CADM2: variants seen among roughly 807,000 people sequenced by gnomAD.
CADM2 encodes immunoglobulin superfamily member 4D.
Under a neutral mutation model 49.8 loss-of-function variants are expected in CADM2, and 12 were observed. The observed-to-expected ratio is 0.24, with a 90% CI of 0.15 to 0.39. The LOEUF (loss-of-function observed/expected upper bound fraction) is 0.39. Among genes scored for constraint, CADM2 ranks in the 10% least tolerant of loss-of-function variants. The pLI is 1.00. For missense variants in CADM2, 378 were observed against 492.3 expected (o/e 0.77, Z 2.20); for synonymous variants, 214 against 175.4 (o/e 1.22, Z -1.74).
chr3:85,889,388 T>G (rs1714112580), intron 5 of CADM2, among the ~76,000 whole-genome samples: 2 of 152,132 alleles, frequency 1.3e-5, no homozygotes, highest in Admixed American at 6.5e-5. Context: ...AATCTCAGAT[T>G]ATCAGGCCTT....
chr3:85,048,839 A>C (rs1453382232), intron 1 of CADM2, among the ~76,000 whole-genome samples: 1 of 152,180 alleles, frequency 6.6e-6, no homozygotes, highest in African/African-American at 2.4e-5. Flanking sequence ...AGTTTGGTAT[A>C]GACTGGAAAC....
intron 1 of CADM2, among the ~76,000 whole-genome samples, chr3:85,173,702 C>T (rs1037542557): frequency 5.9e-5 from 9 of 152,090 alleles, no homozygotes; most frequent in African/African-American, 2.2e-4. Flanking sequence ...ATGATGCAAT[C>T]GAACCCTGCA....
At chr3:85,755,463 C>A (rs1366765474) in intron 2 of CADM2, among the ~76,000 whole-genome samples, 1 of 152,128 alleles carries the variant, frequency 6.6e-6, no homozygotes, top group Non-Finnish European at 1.5e-5. Flanking sequence ...GAAACCTCCC[C>A]AACCTCATTG....
In CADM2 at chr3:85,474,923, C is replaced by T. The variant is rs188591616; in HGVS notation, c.62-251599C>T. Among the ~76,000 whole-genome samples the T allele has an allele frequency of 4.7e-4, 71 of 152,018 alleles. 1 individual carries two copies. Among genetic ancestry groups the T allele is most frequent in the African/African-American group, 1.5e-3 (64 of 41,496 alleles). ...GTTGATAGTCTTCATAAACTACAGA[C>T]TCAGCATCCTCGAATCTCAAGGAAA... On this transcript the variant is annotated intron_variant, in intron 1 of 9. Transcript: ENST00000383699.
At chr3:85,809,660 CT>C in intron 3 of CADM2, among the ~76,000 whole-genome samples, 1 of 19,600 alleles carries the variant, frequency 5.1e-5, no homozygotes, top group African/African-American at 3.0e-4. Flanking sequence ...CATTTTCTCC[CT>C]TCCTTCCTTC....
At chr3:85,635,555 C>G (rs1450059884) in intron 1 of CADM2, among the ~76,000 whole-genome samples, 1 of 152,038 alleles carries the variant, frequency 6.6e-6, no homozygotes, top group African/African-American at 2.4e-5. Context: ...AATATTACAA[C>G]TAAAAGAAAA....
In CADM2 at chr3:84,959,416, T is replaced by C. The variant is rs1444729609; in HGVS notation, c.-192T>C. 1.7e-6 allele frequency: 1 copy of C among 590,294 alleles called. No homozygotes were observed. Among genetic ancestry groups the C allele is most frequent in the African/African-American group, 1.9e-5 (1 of 52,826 alleles). 36.6% of individuals were successfully genotyped at this position (590,294 alleles called of 1,614,324 possible). A position where few individuals can be genotyped will look rare whatever the true frequency, so the allele number is the denominator to read the frequency against. ...GAAACTATTTCGCGATACCCCATTCTGCGGGTGCTTTGCCGCTGCCGCTTC... is the reference window on the plus strand; with the variant it reads ...GAAACTATTTCGCGATACCCCATTCCGCGGGTGCTTTGCCGCTGCCGCTTC... On this transcript the variant is annotated 5_prime_UTR_variant, in exon 1 of 10. Transcript: ENST00000383699.
chr3:85,671,190 T>C (rs1419777795), intron 1 of CADM2, among the ~76,000 whole-genome samples: 1 of 152,216 alleles, frequency 6.6e-6, no homozygotes, highest in East Asian at 1.9e-4. Context: ...TTTTCTTCTT[T>C]ACACTTATAA....
chr3:85,850,051 C>G (rs2075035767), intron 3 of CADM2, among the ~76,000 whole-genome samples: 1 of 152,128 alleles, frequency 6.6e-6, no homozygotes, highest in African/African-American at 2.4e-5. Flanking sequence ...TCTTCGTTAA[C>G]TCAATACTTC....
intron 1 of CADM2, among the ~76,000 whole-genome samples, chr3:85,298,830 A>G (rs114097024): frequency 6.6e-6 from 1 of 152,152 alleles, no homozygotes; most frequent in Non-Finnish European, 1.5e-5. Flanking sequence ...GAAGGATAAC[A>G]TATAGTCATT....
intron 8 of CADM2, among the ~76,000 whole-genome samples, chr3:86,035,745 C>A (rs1229097760): frequency 6.6e-6 from 1 of 152,050 alleles, no homozygotes; most frequent in Non-Finnish European, 1.5e-5. Context: ...ATGTCTAAGT[C>A]AACCCAGCAA....
intron 1 of CADM2, among the ~76,000 whole-genome samples, chr3:85,163,429 G>C (rs1463247087): frequency 1.3e-5 from 2 of 152,068 alleles, no homozygotes; most frequent in Non-Finnish European, 2.9e-5. Context: ...CACTGAAAAT[G>C]AGTAGTATAT....
intron 1 of CADM2, among the ~76,000 whole-genome samples, chr3:85,574,128 G>A (rs2107260334): frequency 6.6e-6 from 1 of 152,286 alleles, no homozygotes; most frequent in East Asian, 1.9e-4. Context: ...TAACATTTAA[G>A]CAAACACCAT....
intron 1 of CADM2, among the ~76,000 whole-genome samples, chr3:85,627,836 C>T (rs2064172046): frequency 6.6e-6 from 1 of 151,962 alleles, no homozygotes. Context: ...ATTGAAGATA[C>T]AAGGTAGAGA....
intron 1 of CADM2, among the ~76,000 whole-genome samples, chr3:85,463,491 C>A (rs1231137288): frequency 1.3e-5 from 2 of 152,124 alleles, no homozygotes; most frequent in East Asian, 3.9e-4. Flanking sequence ...AGAATAAACT[C>A]AGAGTTTCTT....
intron 1 of CADM2, among the ~76,000 whole-genome samples, chr3:85,693,275 A>G (rs955809516): frequency 6.6e-6 from 1 of 151,702 alleles, no homozygotes; most frequent in African/African-American, 2.4e-5. Flanking sequence ...GAAGGAAGGA[A>G]GGAATGAAGA....
chr3:86,000,500 A>C (rs1730045215), intron 8 of CADM2, among the ~76,000 whole-genome samples: 1 of 152,150 alleles, frequency 6.6e-6, no homozygotes, highest in South Asian at 2.1e-4. Flanking sequence ...AATCTTTAAA[A>C]TATATAGAGT....
chr3:85,943,315 G>C (rs1198842762), intron 7 of CADM2, among the ~76,000 whole-genome samples: 2 of 135,480 alleles, frequency 1.5e-5, no homozygotes, highest in Non-Finnish European at 3.1e-5. Context: ...AGTTTCTTTT[G>C]CTGTGCAGAA....
Position 84,959,227 on chromosome 3 carries a change from T to C in CADM2, c.-381T>C, listed in dbSNP as rs2030199982. 9.2e-6 allele frequency: 3 copies of C among 325,180 alleles called. No homozygotes were observed. Among genetic ancestry groups the C allele is most frequent in the Non-Finnish European group, 1.7e-5 (3 of 174,328 alleles). 20.1% of individuals were successfully genotyped at this position (325,180 alleles called of 1,614,324 possible). ...GTGACCTACCCACTCCTTGCAGCCC[T>C]CGCCCGCACCTTCTCCAACACCCCG... is the stretch of plus-strand genomic sequence containing the variant. On this transcript the variant is annotated 5_prime_UTR_variant, in exon 1 of 10. Transcript: ENST00000383699.
Sources: gnomAD v4.1 joint callset for allele counts (sites outside exome capture counted in the v4.1 genomes callset) on GRCh38, gnomAD v4.1.1 for gene constraint, MANE v1.5 for transcripts, NCBI Gene and HGNC (gene_info 2026-07-23, HGNC 2026-07-21) for gene names.